The following COL24A1 variants were observed in gnomAD, a reference collection of about 807,000 sequenced individuals.
The protein encoded by COL24A1 is collagen type XXIV alpha 1 chain.
COL24A1 carries 224 observed loss-of-function variants against 253.9 expected under a neutral mutation model. That is an observed-to-expected ratio of 0.88 (90% CI 0.79 to 0.99). The LOEUF (loss-of-function observed/expected upper bound fraction) is 0.99. Ranked by LOEUF, COL24A1 falls within the 50% of genes least tolerant of loss-of-function variation. The probability of loss-of-function intolerance (pLI) is 0.00; values close to 1 mark genes in which losing one functional copy is unlikely to be tolerated. For synonymous variants in COL24A1, 685 were observed against 673.7 expected (o/e 1.02, Z -0.26); for missense variants, 2,131 against 2,068.5 (o/e 1.03, Z -0.59).
At chr1:86,150,546 G>C (rs1049321342) in intron 1 of COL24A1, among the ~76,000 whole-genome samples, 1 of 152,092 alleles carries the variant, frequency 6.6e-6, no homozygotes, top group Non-Finnish European at 1.5e-5. Context: ...ATCTGCTATG[G>C]TAGCATATAT....
intron 32 of COL24A1, among the ~76,000 whole-genome samples, chr1:85,885,029 T>C (rs1477125324): frequency 6.6e-6 from 1 of 152,164 alleles, no homozygotes; most frequent in South Asian, 2.1e-4. Flanking sequence ...GTGGGCTATG[T>C]AGTTGCCTGT....
At chr1:86,047,773 T>C (rs1700014672) in intron 11 of COL24A1, among the ~76,000 whole-genome samples, 1 of 152,100 alleles carries the variant, frequency 6.6e-6, no homozygotes, top group African/African-American at 2.4e-5. Flanking sequence ...TCATTAAAAA[T>C]ATCTTTATAT....
intron 28 of COL24A1, among the ~76,000 whole-genome samples, chr1:85,904,386 T>C (rs1362960513): frequency 6.6e-6 from 1 of 152,146 alleles, no homozygotes; most frequent in African/African-American, 2.4e-5. Context: ...ATCAGTTGCC[T>C]AGTTCTGAAG....
At chr1:85,842,490 T>G (rs1676722374) in intron 39 of COL24A1, 97 bp from the exon 40 acceptor site, 1 of 840,986 alleles carries the variant, frequency 1.2e-6, no homozygotes, top group Non-Finnish European at 1.9e-6. Flanking sequence ...TACCTTTAGA[T>G]TTTTCATGGT....
intron 19 of COL24A1, among the ~76,000 whole-genome samples, chr1:85,990,469 A>G (rs1297932554): frequency 6.6e-6 from 1 of 152,200 alleles, no homozygotes; most frequent in Admixed American, 6.5e-5. Context: ...TCGTGCTCCT[A>G]TGAGACTCTA....
At chr1:86,102,140 T>TA (rs1704520314) in intron 5 of COL24A1, among the ~76,000 whole-genome samples, 3 of 152,112 alleles carry the variant, frequency 2.0e-5, no homozygotes, top group Non-Finnish European at 4.4e-5. Flanking sequence ...TCCAGGAACT[T>TA]ATCATTTCTT....
At position 86,121,355 on chromosome 1, in the gene COL24A1, G is replaced by T. The variant is rs952510302; in HGVS notation, c.1491+3490C>A. Reference sequence around the variant, plus strand: ...TTTTTAAAGCATTAATTCACTAACAGTATCCTTTTTTATTAGCACATAATA... The same window carrying T: ...TTTTTAAAGCATTAATTCACTAACATTATCCTTTTTTATTAGCACATAATA... On this transcript the variant is annotated intron_variant, in intron 3 of 59. Coordinates refer to ENST00000370571, the MANE Select transcript of COL24A1 (RefSeq NM_152890.7). Among the ~76,000 whole-genome samples the T allele has an allele frequency of 1.3e-5, 2 of 151,896 alleles. 1 individual carries two copies. The highest frequency in any genetic ancestry group is 4.8e-5 in the African/African-American group (2 of 41,292).
At chr1:85,730,753 A>G (rs1663395847) in intron 59 of COL24A1, 61 bp from the exon 60 acceptor site, 1 of 1,545,784 alleles carries the variant, frequency 6.5e-7, no homozygotes, top group Admixed American at 1.7e-5. Flanking sequence ...TTCAGTAGAC[A>G]ATGCCTTTCA....
At chr1:85,777,288 T>C (rs552014660) in intron 52 of COL24A1, among the ~76,000 whole-genome samples, 1 of 152,212 alleles carries the variant, frequency 6.6e-6, no homozygotes, top group East Asian at 1.9e-4. Context: ...TAAAAAAATA[T>C]ATACACCCTT....
At chr1:85,919,532 A>G (rs1686238831) in intron 24 of COL24A1, among the ~76,000 whole-genome samples, 1 of 152,158 alleles carries the variant, frequency 6.6e-6, no homozygotes, top group Non-Finnish European at 1.5e-5. Context: ...GAAAAATTAA[A>G]AATTAGCTAG....
At chr1:85,784,518 C>T in intron 48 of COL24A1, 152 bp from the exon 49 acceptor site, 1 of 591,708 alleles carries the variant, frequency 1.7e-6, no homozygotes, top group Non-Finnish European at 3.0e-6. Flanking sequence ...TCTTGTTCAC[C>T]AATATTTTCC....
chr1:85,745,476 C>G lies in COL24A1; in HGVS notation c.4468G>C (p.Ala1490Pro). The change falls in exon 56 of 60, where the codon GCC becomes CCC. Residue 1490 changes from alanine (A) to proline (P), a missense_variant. By Grantham distance (27) the Ala-to-Pro change is conservative. Transcript: ENST00000370571. ...AGGGCAGTATTTGATTCAATCAAGGCTTGAATAGCAGCATTGATATCCATT... is the reference window on the plus strand; with the variant it reads ...AGGGCAGTATTTGATTCAATCAAGGGTTGAATAGCAGCATTGATATCCATT... ...KQMDINAAIQ[A>P]LIESNTALQM... 6.2e-7 allele frequency: 1 copy of G among 1,610,062 alleles called. No homozygotes were observed. The highest frequency in any genetic ancestry group is 8.5e-7 in the Non-Finnish European group (1 of 1,178,418).
chr1:85,731,963 A>G (rs545024951), intron 59 of COL24A1, among the ~76,000 whole-genome samples: 1 of 152,102 alleles, frequency 6.6e-6, no homozygotes. Flanking sequence ...ACACACAACA[A>G]CCACCACAAA....
At chr1:85,879,719 A>G (rs1459997666) in intron 32 of COL24A1, among the ~76,000 whole-genome samples, 1 of 152,206 alleles carries the variant, frequency 6.6e-6, no homozygotes, top group African/African-American at 2.4e-5. Context: ...CTTAAGTGGA[A>G]GTAGAGCATC....
At chr1:85,924,220 C>T (rs1686906425) in intron 24 of COL24A1, among the ~76,000 whole-genome samples, 1 of 152,156 alleles carries the variant, frequency 6.6e-6, no homozygotes, top group South Asian at 2.1e-4. Flanking sequence ...GACGGATTCA[C>T]AGCCAAATTC....
chr1:85,971,536 G>A, intron 20 of COL24A1, 143 bp from the exon 21 acceptor site: 2 of 642,222 alleles, frequency 3.1e-6, no homozygotes, highest in South Asian at 2.2e-5. Flanking sequence ...TTGCAGTATG[G>A]GCAAACAGAA....
chr1:85,796,008 T>C (rs936600199), intron 47 of COL24A1, among the ~76,000 whole-genome samples: 11 of 152,164 alleles, frequency 7.2e-5, no homozygotes, highest in Non-Finnish European at 1.3e-4. Flanking sequence ...AAGGCTACAT[T>C]TTACATAAAT....
chr1:86,066,231 C>CTTTTTTTTTTTTTTTTTTTTTTTT, intron 7 of COL24A1, among the ~76,000 whole-genome samples: 1 of 85,516 alleles, frequency 1.2e-5, no homozygotes, highest in Non-Finnish European at 2.2e-5. Flanking sequence ...CCTAAGTCTC[C>CTTTTTTTTTTTTTTTTTTTTTTTT]TTTTTTTTTT....
chr1:86,030,765 TG>T (rs1455912435), intron 14 of COL24A1, among the ~76,000 whole-genome samples: 64 of 142,396 alleles, frequency 4.5e-4, no homozygotes, highest in Admixed American at 6.3e-4. Flanking sequence ...TTTTTTTTTT[TG>T]TTGTTGTTGT....
Sources: gnomAD v4.1 joint callset for allele counts (sites outside exome capture counted in the v4.1 genomes callset) on GRCh38, gnomAD v4.1.1 for gene constraint, MANE v1.5 for transcripts, NCBI Gene and HGNC (gene_info 2026-07-23, HGNC 2026-07-21) for gene names.